Variants in TCF20 observed in about 807,000 individuals in gnomAD.
TCF20 encodes transcription factor 20.
A neutral mutation model predicts 148.6 loss-of-function variants in TCF20; 3 were observed. The observed-to-expected ratio is 0.02, with a 90% CI of 0.01 to 0.05. The LOEUF (loss-of-function observed/expected upper bound fraction) is 0.05, where lower values mean the gene tolerates loss of function less well. Among genes scored for constraint, TCF20 ranks in the 10% least tolerant of loss-of-function variants. The probability of loss-of-function intolerance (pLI) is 1.00; values close to 1 mark genes in which losing one functional copy is unlikely to be tolerated. For synonymous variants in TCF20, 1,049 were observed against 909.5 expected (o/e 1.15, Z -2.76); for missense variants, 2,350 against 2,429.3 (o/e 0.97, Z 0.69).
Position 42,214,941 on chromosome 22 carries a change from TG to T in TCF20, c.364del (p.Gln122ArgfsTer62). 1 of 1,614,100 alleles carries T rather than the reference TG, an allele frequency of 6.2e-7. No individual in the cohort carries two copies. Among genetic ancestry groups the T allele is most frequent in the Non-Finnish European group, 8.5e-7 (1 of 1,179,988 alleles). ...SGPVQSYGPP[Q>X]GSSFGNQYGS... ...ATACTGATTGCCAAAGCTGCTCCCCTGGGGGGGTCCATAGCTCTGCACAGGC... is the reference window on the plus strand; with the variant it reads ...ATACTGATTGCCAAAGCTGCTCCCCTGGGGGGTCCATAGCTCTGCACAGGC... On this transcript the variant is annotated frameshift_variant, in exon 2 of 6. Transcript: ENST00000677622. LOFTEE classifies it high-confidence loss of function.
At chr22:42,199,037 G>A (rs1015197219) in intron 2 of TCF20, among the ~76,000 whole-genome samples, 1 of 152,102 alleles carries the variant, frequency 6.6e-6, no homozygotes, top group African/African-American at 2.4e-5. Context: ...GAAGCTAACT[G>A]TATTATACTA....
chr22:42,227,011 G>A (rs948926229), intron 1 of TCF20, among the ~76,000 whole-genome samples: 5 of 152,318 alleles, frequency 3.3e-5, no homozygotes, highest in Admixed American at 2.6e-4. Context: ...GACTGGGCGT[G>A]GTGGCTCACG....
intron 3 of TCF20, among the ~76,000 whole-genome samples, chr22:42,170,376 C>G (rs1481034304): frequency 6.6e-6 from 1 of 150,832 alleles, no homozygotes; most frequent in Non-Finnish European, 1.5e-5. Context: ...GGTGTGATGG[C>G]ACTTGCCTAT....
intron 2 of TCF20, among the ~76,000 whole-genome samples, chr22:42,206,307 A>G (rs1938380260): frequency 6.6e-6 from 1 of 152,142 alleles, no homozygotes; most frequent in East Asian, 1.9e-4. Flanking sequence ...TGTAATCCCA[A>G]CACTCTAGGA....
At chr22:42,259,152 G>A (rs1041013907) in intron 1 of TCF20, among the ~76,000 whole-genome samples, 2 of 152,128 alleles carry the variant, frequency 1.3e-5, no homozygotes, top group African/African-American at 4.8e-5. Context: ...TGTCTGGTGG[G>A]TCTTAAATAG....
chr22:42,209,515 A>AT, intron 2 of TCF20, 136 bp downstream of exon 2: 1 of 1,050,110 alleles, frequency 9.5e-7, no homozygotes, highest in Non-Finnish European at 1.4e-6. Context: ...TACCTATTTC[A>AT]TTTTCTGTCC....
intron 2 of TCF20, among the ~76,000 whole-genome samples, chr22:42,201,042 C>G (rs1026157850): frequency 1.3e-5 from 2 of 152,166 alleles, no homozygotes; most frequent in Admixed American, 6.5e-5. Context: ...GGTGCTATTC[C>G]TGTGATACTG....
chr22:42,330,008 G>T (rs1569211154), intron 1 of TCF20, among the ~76,000 whole-genome samples: 1 of 152,176 alleles, frequency 6.6e-6, no homozygotes, highest in Non-Finnish European at 1.5e-5. Context: ...GCTGCCTGTG[G>T]GCCCCTTCCC....
chr22:42,207,367 T>C (rs1234232739), intron 2 of TCF20, among the ~76,000 whole-genome samples: 1 of 152,092 alleles, frequency 6.6e-6, no homozygotes, highest in African/African-American at 2.4e-5. Flanking sequence ...AAAAATGTTT[T>C]TTTTTCCTCT....
intron 1 of TCF20, among the ~76,000 whole-genome samples, chr22:42,254,691 A>G (rs1925623865): frequency 2.0e-5 from 3 of 152,342 alleles, no homozygotes; most frequent in Non-Finnish European, 4.4e-5. Flanking sequence ...GGAAACTTCC[A>G]TAAAAATCCA....
intron 5 of TCF20, among the ~76,000 whole-genome samples, chr22:42,165,982 C>T (rs774424365): frequency 2.0e-5 from 3 of 152,190 alleles, no homozygotes; most frequent in Non-Finnish European, 2.9e-5. Flanking sequence ...ATAATGGTGG[C>T]TCTCTGTCCC....
At chr22:42,168,486 C>G (rs1935922271) in intron 5 of TCF20, 123 bp downstream of exon 5, 1 of 1,389,904 alleles carries the variant, frequency 7.2e-7, no homozygotes, top group Non-Finnish European at 9.6e-7. Context: ...ACTGCATCCA[C>G]CTGGCGTTGT....
intron 2 of TCF20, among the ~76,000 whole-genome samples, chr22:42,188,202 G>A (rs1277564599): frequency 1.4e-5 from 2 of 142,220 alleles, no homozygotes; most frequent in Non-Finnish European, 3.0e-5. Context: ...GCTGAGGCAG[G>A]AGAATCGTTT....
intron 1 of TCF20, among the ~76,000 whole-genome samples, chr22:42,243,320 A>AAAAAAAAC (rs1924624718): frequency 6.8e-6 from 1 of 146,644 alleles, no homozygotes; most frequent in Non-Finnish European, 1.5e-5. Flanking sequence ...AAAAAAAAAA[A>AAAAAAAAC]AGTCAGGCAT....
chr22:42,227,349 C>G (rs573561271), intron 1 of TCF20, among the ~76,000 whole-genome samples: 1 of 152,172 alleles, frequency 6.6e-6, no homozygotes, highest in Non-Finnish European at 1.5e-5. Context: ...GGCTCACATA[C>G]CCTCTTTCAA....
intron 1 of TCF20, among the ~76,000 whole-genome samples, chr22:42,324,512 C>T (rs184220215): frequency 2.1e-3 from 307 of 147,854 alleles, no homozygotes; most frequent in African/African-American, 7.4e-3. Context: ...CTCCACCATC[C>T]GATAAAATAA....
chr22:42,308,481 T>A (rs1205848561), intron 1 of TCF20, among the ~76,000 whole-genome samples: 1 of 152,122 alleles, frequency 6.6e-6, no homozygotes, highest in South Asian at 2.1e-4. Flanking sequence ...ACCCCCATTT[T>A]ACAAATGAAC....
upstream of TCF20, among the ~76,000 whole-genome samples, chr22:42,275,502 C>G (rs134884): frequency 0.67 from 101,834 of 152,114 alleles, 34,733 homozygotes; most frequent in Non-Finnish European, 0.75. Context: ...ACTGAGCTGG[C>G]GCCAGCCTGG....
At chr22:42,313,853 GC>G (rs1428550402) in intron 1 of TCF20, among the ~76,000 whole-genome samples, 2 of 152,186 alleles carry the variant, frequency 1.3e-5, no homozygotes, top group African/African-American at 4.8e-5. Context: ...GCCCGCCTCG[GC>G]CTCCCAAAGT....
Sources: gnomAD v4.1 joint callset for allele counts (sites outside exome capture counted in the v4.1 genomes callset) on GRCh38, gnomAD v4.1.1 for gene constraint, MANE v1.5 for transcripts, NCBI Gene and HGNC (gene_info 2026-07-23, HGNC 2026-07-21) for gene names.